Variants in LINGO2 observed in about 807,000 individuals in gnomAD.
LINGO2 encodes leucine-rich repeat and immunoglobulin-like domain-containing nogo receptor-interacting protein 2.
Under a neutral mutation model 30.6 loss-of-function variants are expected in LINGO2, and 14 were observed. The observed-to-expected ratio is 0.46, with a 90% CI of 0.30 to 0.72. LINGO2 has a LOEUF of 0.72. Among genes scored for constraint, LINGO2 ranks in the 30% least tolerant of loss-of-function variants. LINGO2 has a pLI of 0.07. For synonymous variants in LINGO2, 317 were observed against 288.5 expected (o/e 1.10, Z -1.00); for missense variants, 729 against 751.7 (o/e 0.97, Z 0.35).
the LINGO2 span, among the ~76,000 whole-genome samples, chr9:29,108,051 G>T: frequency 6.6e-6 from 1 of 152,054 alleles, no homozygotes; most frequent in Non-Finnish European, 1.5e-5. Context: ...AAAGGCTCAG[G>T]GAAGGCACTG....
intron 4 of LINGO2, among the ~76,000 whole-genome samples, chr9:28,151,444 A>G (rs189999592): frequency 1.8e-4 from 28 of 152,022 alleles, no homozygotes; most frequent in African/African-American, 6.3e-4. Context: ...ATATCAAAAG[A>G]TCAATATAAA....
At chr9:28,425,634 G>A (rs1031636599) in intron 2 of LINGO2, among the ~76,000 whole-genome samples, 4 of 151,896 alleles carry the variant, frequency 2.6e-5, no homozygotes, top group African/African-American at 9.7e-5. Context: ...TAGGGGTTAC[G>A]GGGAAGTAAC....
At chr9:28,467,980 T>C (rs1825378346) in intron 2 of LINGO2, among the ~76,000 whole-genome samples, 1 of 152,222 alleles carries the variant, frequency 6.6e-6, no homozygotes, top group Non-Finnish European at 1.5e-5. Flanking sequence ...ATTCACAATG[T>C]ATTTTGTTAA....
At chr9:28,344,658 G>A (rs747144902) in intron 3 of LINGO2, among the ~76,000 whole-genome samples, 11 of 151,902 alleles carry the variant, frequency 7.2e-5, no homozygotes, top group Non-Finnish European at 1.6e-4. Context: ...CAGAAAAAGG[G>A]TCATTCAATT....
At chr9:29,073,429 C>T in the LINGO2 span, among the ~76,000 whole-genome samples, 391 of 152,114 alleles carry the variant, frequency 2.6e-3, 2 homozygotes, top group African/African-American at 8.9e-3. Flanking sequence ...ACTAAAGTCA[C>T]GGGACAAATT....
At chr9:28,628,899 G>A (rs887204168) in intron 1 of LINGO2, among the ~76,000 whole-genome samples, 3 of 152,048 alleles carry the variant, frequency 2.0e-5, no homozygotes, top group African/African-American at 7.2e-5. Flanking sequence ...TACTTAACCA[G>A]CTCCTAAGAT....
intron 4 of LINGO2, among the ~76,000 whole-genome samples, chr9:28,232,421 A>AAC: frequency 7.0e-6 from 1 of 143,134 alleles, no homozygotes; most frequent in Non-Finnish European, 1.6e-5. Flanking sequence ...CTATCTCACA[A>AAC]AAAAAAAAAA....
intron 1 of LINGO2, among the ~76,000 whole-genome samples, chr9:28,514,337 T>C (rs181410888): frequency 1.9e-4 from 29 of 152,230 alleles, no homozygotes; most frequent in African/African-American, 5.5e-4. Flanking sequence ...TTAAGCTTAA[T>C]GAGAAAAACA....
At chr9:28,319,521 T>C (rs1427795385) in intron 3 of LINGO2, among the ~76,000 whole-genome samples, 1 of 152,190 alleles carries the variant, frequency 6.6e-6, no homozygotes, top group African/African-American at 2.4e-5. Flanking sequence ...GGGGGGCTGT[T>C]ATTATTCTTC....
At chr9:27,977,080 G>A (rs776411393) in intron 5 of LINGO2, among the ~76,000 whole-genome samples, 9 of 150,892 alleles carry the variant, frequency 6.0e-5, no homozygotes, top group South Asian at 2.1e-4. Context: ...CTGAACATTC[G>A]TAAGATGCTA....
intron 2 of LINGO2, among the ~76,000 whole-genome samples, chr9:28,383,987 C>T (rs1359651216): frequency 6.6e-6 from 1 of 151,938 alleles, no homozygotes; most frequent in Non-Finnish European, 1.5e-5. Flanking sequence ...GGCAGGATTA[C>T]AGCTATGAAA....
intron 4 of LINGO2, among the ~76,000 whole-genome samples, chr9:28,186,995 A>G (rs1307667855): frequency 6.6e-6 from 1 of 152,144 alleles, no homozygotes; most frequent in Non-Finnish European, 1.5e-5. Context: ...ATATTTAAAC[A>G]AGACACCTCT....
chr9:28,847,742 A>G, the LINGO2 span, among the ~76,000 whole-genome samples: 3 of 102,122 alleles, frequency 2.9e-5, no homozygotes, highest in Admixed American at 1.1e-4. Context: ...GTGTATATAT[A>G]TATGTTATAT....
upstream of LINGO2, among the ~76,000 whole-genome samples, chr9:28,674,684 AT>A (rs1829150822): frequency 6.6e-6 from 1 of 152,194 alleles, no homozygotes; most frequent in African/African-American, 2.4e-5. Flanking sequence ...CCTCTAATTT[AT>A]TTAAATATTT....
At chr9:28,240,491 C>T (rs915209726) in intron 4 of LINGO2, among the ~76,000 whole-genome samples, 1 of 152,124 alleles carries the variant, frequency 6.6e-6, no homozygotes, top group African/African-American at 2.4e-5. Context: ...TAAATCCACA[C>T]ACCTGCAGTA....
chr9:29,143,274 C>T, the LINGO2 span, among the ~76,000 whole-genome samples: 1 of 151,870 alleles, frequency 6.6e-6, no homozygotes, highest in Non-Finnish European at 1.5e-5. Flanking sequence ...CAATACAATC[C>T]CTATCAAAAT....
the LINGO2 span, among the ~76,000 whole-genome samples, chr9:28,879,955 C>A: frequency 0.14 from 20,786 of 152,070 alleles, 2,031 homozygotes; most frequent in African/African-American, 0.28. Flanking sequence ...CCTAGTCTTC[C>A]TAATACTTAT....
chr9:28,053,749 A>AT (rs1824784949), intron 4 of LINGO2, among the ~76,000 whole-genome samples: 1 of 152,080 alleles, frequency 6.6e-6, no homozygotes. Context: ...TATGTTGGTA[A>AT]TTTTTAAAAG....
chr9:28,443,662 C>T (rs547023532), intron 2 of LINGO2, among the ~76,000 whole-genome samples: 1 of 152,338 alleles, frequency 6.6e-6, no homozygotes, highest in South Asian at 2.1e-4. Context: ...GACATGCCAG[C>T]CCCTGCTACC....
Sources: gnomAD v4.1 joint callset for allele counts (sites outside exome capture counted in the v4.1 genomes callset) on GRCh38, gnomAD v4.1.1 for gene constraint, MANE v1.5 for transcripts, NCBI Gene and HGNC (gene_info 2026-07-23, HGNC 2026-07-21) for gene names.